TASOR: variants seen among roughly 807,000 people sequenced by gnomAD.
The protein encoded by TASOR is protein TASOR.
TASOR carries 53 observed loss-of-function variants against 178.6 expected under a neutral mutation model. That is an observed-to-expected ratio of 0.30 (90% CI 0.24 to 0.37). TASOR has a LOEUF of 0.37. Ranked by LOEUF, TASOR falls within the 10% of genes least tolerant of loss-of-function variation. The pLI is 1.00. For synonymous variants in TASOR, 713 were observed against 696.2 expected, an observed-to-expected ratio of 1.02 and a Z score of -0.38; for missense variants, 1,815 against 1,971.4, an observed-to-expected ratio of 0.92 and a Z score of 1.50.
At chr3:56,642,995 G>C (rs900285408) in intron 14 of TASOR, among the ~76,000 whole-genome samples, 1 of 150,746 alleles carries the variant, frequency 6.6e-6, no homozygotes, top group African/African-American at 2.4e-5. Flanking sequence ...AAATTCTATA[G>C]GCTCACGCCT....
chr3:56,625,144 AGG>A (rs1401459661), intron 21 of TASOR, 138 bp from the exon 22 acceptor site: 2 of 751,336 alleles, frequency 2.7e-6, no homozygotes, highest in Non-Finnish European at 4.3e-6. Context: ...TGCCTGATGT[AGG>A]GGGTGTGCTT....
intron 2 of TASOR, 110 bp from the exon 3 acceptor site, chr3:56,671,802 A>T (rs2030766423): frequency 1.3e-6 from 1 of 751,812 alleles, no homozygotes; most frequent in Admixed American, 2.7e-5. Context: ...ATGGAAAAAT[A>T]ATCTCTATCT....
chr3:56,671,455 A>G, intron 3 of TASOR, 145 bp downstream of exon 3: 1 of 556,124 alleles, frequency 1.8e-6, no homozygotes, highest in Non-Finnish European at 3.1e-6. Context: ...TACAAACAAT[A>G]AACATTTTGC....
chr3:56,634,665 T>C (rs1369669785), intron 17 of TASOR, among the ~76,000 whole-genome samples: 3 of 152,186 alleles, frequency 2.0e-5, no homozygotes, highest in Non-Finnish European at 2.9e-5. Flanking sequence ...GAAATAATTC[T>C]AAAAGAAAAG....
At chr3:56,679,441 T>C (rs975976279) in intron 1 of TASOR, among the ~76,000 whole-genome samples, 8 of 152,234 alleles carry the variant, frequency 5.3e-5, no homozygotes, top group South Asian at 2.1e-4. Context: ...GAGAGAGCTA[T>C]TGTTCTCAGA....
In TASOR at chr3:56,633,259, C is replaced by G; in HGVS notation, c.3532G>C (p.Val1178Leu). 6.2e-7 allele frequency: 1 copy of G among 1,614,126 alleles called. No homozygotes were observed. The highest frequency in any genetic ancestry group is 8.5e-7 in the Non-Finnish European group (1 of 1,180,030). ...GGTTCCCGGGCCATATCACCAGGTA[C>G]AATATGATCAGAAGTCACCATTAAC... The part of the protein sequence containing the change: ...TELMVTSDHI[V>L]PGDMAREPVE... The change falls in exon 18 of 24, where the codon GTA (valine) becomes CTA (leucine). Residue 1178 changes from valine (V) to leucine (L), a missense_variant. Val to Leu is a conservative substitution (Grantham distance 32). Coordinates refer to ENST00000683822, the MANE Select transcript of TASOR (RefSeq NM_001365635.2).
In TASOR at chr3:56,648,631, C is replaced by CAAA. The variant is rs56218279; in HGVS notation, c.1513+188_1513+190dup. 2.8e-3 allele frequency among the ~76,000 whole-genome samples: 238 copies of CAAA among 84,554 alleles called. 5 individuals carry two copies. The highest frequency in any genetic ancestry group is 8.6e-3 in the South Asian group (19 of 2,198). 55.5% of individuals were successfully genotyped at this position (84,554 alleles called of 152,430 possible). A position where few individuals can be genotyped will look rare whatever the true frequency, so the allele number is the denominator to read the frequency against. On this transcript the variant is annotated intron_variant, in intron 13 of 23. Coordinates refer to ENST00000683822, the MANE Select transcript of TASOR (RefSeq NM_001365635.2). ...GGGCAAGAAGAGCAAAACTCTGTAT[C>CAAA]AAAAAAAAAAAAAAAAAAAAAAAAA... is the stretch of plus-strand genomic sequence containing the variant.
At position 56,621,928 on chromosome 3, in the gene TASOR, TCA is replaced by T. The variant is rs2076683209; in HGVS notation, c.*1107_*1108del. 1 of 164,272 alleles carries T rather than the reference TCA, an allele frequency of 6.1e-6. No homozygotes were observed. Among genetic ancestry groups the T allele is most frequent in the East Asian group, 1.7e-4 (1 of 5,972 alleles). 10.2% of individuals were successfully genotyped at this position (164,272 alleles called of 1,614,324 possible). ...AATATAGTCTGGCGTTGCTGGGACCTCACAGTGTTCTTTCACACTTTTTATGT... is the reference window on the plus strand; with the variant it reads ...AATATAGTCTGGCGTTGCTGGGACCTCAGTGTTCTTTCACACTTTTTATGT... On this transcript the variant is annotated 3_prime_UTR_variant, in exon 24 of 24. Transcript: ENST00000683822.
At chr3:56,678,411 GACCTCGTGATTC>G (rs2031512560) in intron 1 of TASOR, among the ~76,000 whole-genome samples, 1 of 151,628 alleles carries the variant, frequency 6.6e-6, no homozygotes, top group African/African-American at 2.4e-5. Flanking sequence ...TCAAACTCCT[GACCTCGTGATTC>G]GCCCACCTCG....
rs1433619047 is a variant in TASOR at position 56,621,539 on chromosome 3, T to C, written c.*1498A>G. On this transcript the variant is annotated 3_prime_UTR_variant, in exon 24 of 24. Coordinates refer to ENST00000683822, the MANE Select transcript of TASOR (RefSeq NM_001365635.2). ...ATATCAATGTGATTTCAGGGCCTTC[T>C]CCAGAAGCAAAAGGAGTTGGAAAGT... 1.9e-6 allele frequency: 3 copies of C among 1,590,484 alleles called. No individual in the cohort carries two copies. The highest frequency in any genetic ancestry group is 2.3e-5 in the East Asian group (1 of 44,370).
At chr3:56,640,503 C>A (rs986381386) in intron 15 of TASOR, among the ~76,000 whole-genome samples, 3 of 151,998 alleles carry the variant, frequency 2.0e-5, no homozygotes, top group Admixed American at 6.6e-5. Flanking sequence ...GCCCCCGCCC[C>A]CCATCAACTT....
rs2031923789 is a variant in TASOR, at chr3:56,682,793, C to T, written c.214G>A (p.Glu72Lys). 1 of 1,550,474 alleles carries T rather than the reference C, an allele frequency of 6.4e-7. No homozygotes were observed. The highest frequency in any genetic ancestry group is 2.4e-5 in the East Asian group (1 of 40,854). ...GAEAAQSLSH[E>K]QPQDSSEAGA... ...GCCTCAGAGGAGTCCTGAGGCTGCT[C>T]GTGGCTGAGGCTCTGGGCGGCCTCG... Residue 72 changes from glutamate to lysine, a missense_variant, in exon 1 of 24, where the codon GAG becomes AAG. Coordinates refer to ENST00000683822, the MANE Select transcript of TASOR (RefSeq NM_001365635.2).
At chr3:56,627,448 A>C in intron 20 of TASOR, 134 bp downstream of exon 20, 1 of 980,886 alleles carries the variant, frequency 1.0e-6, no homozygotes, top group Non-Finnish European at 1.5e-6. Flanking sequence ...AGGAGAAAGA[A>C]ATTTGAGGTA....
chr3:56,669,925 T>C (rs1479550373), intron 4 of TASOR, 134 bp from the exon 5 acceptor site: 12 of 869,274 alleles, frequency 1.4e-5, no homozygotes, highest in Non-Finnish European at 2.1e-5. Context: ...ATAAAACTGA[T>C]CTTACATTTC....
Position 56,660,768 on chromosome 3 carries a change from A to C in TASOR, c.1331T>G (p.Met444Arg). 1 of 1,613,698 alleles carries C rather than the reference A, an allele frequency of 6.2e-7. No individual in the cohort carries two copies. Among genetic ancestry groups the C allele is most frequent in the South Asian group, 1.1e-5 (1 of 91,060 alleles). Residue 444 changes from methionine (M) to arginine (R), a missense_variant, in exon 11 of 24, where the codon ATG becomes AGG. Around this residue, in one of 5 missense-constraint regions of TASOR, gnomAD observed 504 missense variants for 645.3 expected, o/e 0.78. Coordinates refer to ENST00000683822, the MANE Select transcript of TASOR (RefSeq NM_001365635.2). ...VVEKTRIGSN[M>R]ESLLQKLDRE... Reference sequence around the variant, plus strand: ...GTCTAGTTTTTGCAGTAAACTCTCCATGTTACTTCCAATTCTTGTCTTTTC... The same window carrying C: ...GTCTAGTTTTTGCAGTAAACTCTCCCTGTTACTTCCAATTCTTGTCTTTTC...
Position 56,631,932 on chromosome 3 carries a change from C to T in TASOR, c.3747+1112G>A, listed in dbSNP as rs375671654. Among the ~76,000 whole-genome samples, 117 of 152,158 alleles carry T rather than the reference C, an allele frequency of 7.7e-4. 2 individuals are homozygous for T. In the South Asian group the frequency reaches 0.012, roughly 15 times the overall value. ...TATCTAAAATATTAGTCTGCAGCTT[C>T]GGTAGAAAAAATACACCTCACAATG... is the stretch of plus-strand genomic sequence containing the variant. On this transcript the variant is annotated intron_variant, in intron 18 of 23. Coordinates refer to ENST00000683822, the MANE Select transcript of TASOR (RefSeq NM_001365635.2).
rs1379645068 is a variant in TASOR at position 56,620,692 on chromosome 3, T to C, written c.*2345A>G. 3 of 152,232 alleles carry C rather than the reference T, an allele frequency of 2.0e-5. No homozygotes were observed. The highest frequency in any genetic ancestry group is 7.2e-5 in the African/African-American group (3 of 41,446). 9.4% of individuals were successfully genotyped at this position (152,232 alleles called of 1,614,324 possible). A position where few individuals can be genotyped will look rare whatever the true frequency, so the allele number is the denominator to read the frequency against. On this transcript the variant is annotated 3_prime_UTR_variant, in exon 24 of 24. Coordinates refer to ENST00000683822, the MANE Select transcript of TASOR (RefSeq NM_001365635.2). ...AAGAGTTTTACATAAGTTATTTCTT[T>C]AGAGTGACGAAGTGTTAGTTTACTT...
In TASOR at chr3:56,647,018, A is replaced by G. The variant is rs773978117; in HGVS notation, c.1719T>C (p.Phe573=). ...KRGFGSGKRE[F]IMFPYDSRLD... ...ATCGTGAATCATATGGAAACATAAT[A>G]AACTCTCGTTTACCTGAACCAAAAC... Residue 573 remains phenylalanine (F), a synonymous_variant, in exon 14 of 24, where the codon TTT becomes TTC. Transcript: ENST00000683822. 3 of 1,602,994 alleles carry G rather than the reference A, an allele frequency of 1.9e-6. No homozygotes were observed. Among genetic ancestry groups the G allele is most frequent in the Non-Finnish European group, 2.5e-6 (3 of 1,177,264 alleles).
intron 11 of TASOR, among the ~76,000 whole-genome samples, chr3:56,652,748 C>CA (rs1578244469): frequency 6.6e-6 from 1 of 151,808 alleles, no homozygotes; most frequent in South Asian, 2.1e-4. Flanking sequence ...CAGGCAGATC[C>CA]AAAAAAATTC....
Sources: gnomAD v4.1 joint callset for allele counts (sites outside exome capture counted in the v4.1 genomes callset) on GRCh38, gnomAD v4.1.1 for gene constraint, gnomAD v4.1.1 regional missense constraint, MANE v1.5 for transcripts, NCBI Gene and HGNC (gene_info 2026-07-23, HGNC 2026-07-21) for gene names.